The following SAE1 variants were observed in gnomAD, a reference collection of about 807,000 sequenced individuals.
SAE1 encodes SUMO1 activating enzyme subunit 1.
A neutral mutation model predicts 40.6 loss-of-function variants in SAE1; 11 were observed. The observed-to-expected ratio is 0.27, with a 90% CI of 0.17 to 0.45. SAE1 has a LOEUF of 0.45. SAE1 is among the 20% of genes least tolerant of loss of function. The pLI, the probability that SAE1 is intolerant of heterozygous loss-of-function variation, is 1.00. For synonymous variants in SAE1, 155 were observed against 154.3 expected (o/e 1.00, Z -0.03); for missense variants, 373 against 427.3 (o/e 0.87, Z 1.12).
intron 6 of SAE1, among the ~76,000 whole-genome samples, chr19:47,188,978 T>C (rs956648610): frequency 1.3e-5 from 2 of 152,198 alleles, no homozygotes; most frequent in Non-Finnish European, 2.9e-5. Context: ...GACATTGTTA[T>C]CTCCTGTGTA....
At chr19:47,166,685 G>T (rs1423875294) in intron 5 of SAE1, among the ~76,000 whole-genome samples, 1 of 152,154 alleles carries the variant, frequency 6.6e-6, no homozygotes, top group Non-Finnish European at 1.5e-5. Context: ...TGGTAATACT[G>T]TGTTTCCTCA....
intron 6 of SAE1, among the ~76,000 whole-genome samples, chr19:47,171,943 G>A (rs1043250291): frequency 2.6e-5 from 4 of 151,546 alleles, no homozygotes; most frequent in Admixed American, 2.6e-4. Context: ...TTTTTGAGAC[G>A]GAGTCTCACT....
intron 1 of SAE1, among the ~76,000 whole-genome samples, chr19:47,140,613 C>T (rs1376525029): frequency 7.2e-6 from 1 of 138,212 alleles, no homozygotes; most frequent in East Asian, 2.0e-4. Context: ...ATAGTGAGAC[C>T]CTGTGTCTAC....
chr19:47,186,421 T>C (rs950152318), intron 6 of SAE1, among the ~76,000 whole-genome samples: 3 of 152,088 alleles, frequency 2.0e-5, no homozygotes, highest in African/African-American at 7.2e-5. Context: ...TGAACATTTA[T>C]AGGTAATTCA....
chr19:47,161,363 A>T (rs1049255065), intron 5 of SAE1, among the ~76,000 whole-genome samples: 1 of 152,130 alleles, frequency 6.6e-6, no homozygotes, highest in Non-Finnish European at 1.5e-5. Flanking sequence ...TGCAGCATCA[A>T]TGCAGATAAT....
chr19:47,209,672 T>C lies in SAE1; in HGVS notation c.*421T>C, dbSNP rs1568614363. ...CTTCTTGGACTTATTCCCCACCTGA[T>C]ACCTTATAGAGAAAAGTGTGAATTC... On this transcript the variant is annotated 3_prime_UTR_variant, in exon 9 of 9. Coordinates refer to ENST00000270225, the MANE Select transcript of SAE1 (RefSeq NM_005500.3). 5.2e-6 allele frequency: 1 copy of C among 191,122 alleles called. No homozygotes were observed. The highest frequency in any genetic ancestry group is 1.1e-5 in the Non-Finnish European group (1 of 93,418). 11.8% of individuals were successfully genotyped at this position (191,122 alleles called of 1,614,324 possible).
At chr19:47,189,446 A>G (rs2123293969) in intron 6 of SAE1, among the ~76,000 whole-genome samples, 2 of 152,280 alleles carry the variant, frequency 1.3e-5, no homozygotes, top group South Asian at 4.1e-4. Context: ...CTGTAATCCC[A>G]GCTACTCAGG....
chr19:47,137,123 C>T (rs2058185283), intron 1 of SAE1, among the ~76,000 whole-genome samples: 1 of 152,112 alleles, frequency 6.6e-6, no homozygotes, highest in South Asian at 2.1e-4. Context: ...GTCACAGTGA[C>T]TCAGCCTGTA....
At chr19:47,142,579 C>A (rs907583923) in intron 1 of SAE1, 1 of 152,150 alleles carries the variant, frequency 6.6e-6, no homozygotes, top group Admixed American at 6.6e-5. Flanking sequence ...TTCCATCATG[C>A]CTCGAAGAAA....
chr19:47,163,911 AGGCTT>A (rs2058373857), intron 5 of SAE1, among the ~76,000 whole-genome samples: 1 of 151,720 alleles, frequency 6.6e-6, no homozygotes, highest in Non-Finnish European at 1.5e-5. Context: ...CTGGGATTAC[AGGCTT>A]GTGCTACCAC....
intron 1 of SAE1, among the ~76,000 whole-genome samples, chr19:47,137,616 G>A (rs536418520): frequency 6.6e-6 from 1 of 152,014 alleles, no homozygotes; most frequent in African/African-American, 2.4e-5. Context: ...TCCCGCCTCA[G>A]CCCCCAAGTA....
intron 5 of SAE1, among the ~76,000 whole-genome samples, chr19:47,161,752 G>C (rs1021838024): frequency 6.6e-6 from 1 of 152,192 alleles, no homozygotes; most frequent in Non-Finnish European, 1.5e-5. Context: ...ACCCTCCTCA[G>C]TTGGGTTTCT....
rs2058702493 is a variant in SAE1 at position 47,209,439 on chromosome 19, G to C, written c.*188G>C. The C allele has an allele frequency of 5.0e-6, 5 of 1,002,438 alleles. No individual in the cohort carries two copies. Among genetic ancestry groups the C allele is most frequent in the Non-Finnish European group, 7.3e-6 (5 of 681,512 alleles). The allele number at this position is 1,002,438 out of a possible 1,614,324, so 62.1% of individuals were successfully genotyped here. A position where few individuals can be genotyped will look rare whatever the true frequency, so the allele number is the denominator to read the frequency against. On this transcript the variant is annotated 3_prime_UTR_variant, in exon 9 of 9. Transcript: ENST00000270225. Reference sequence around the variant, plus strand: ...CCATCACCAGCAGCTGCTCGACAAGGGGCGCAGGGTGGCTGTCTTTGTTCC... The same window carrying C: ...CCATCACCAGCAGCTGCTCGACAAGCGGCGCAGGGTGGCTGTCTTTGTTCC...
chr19:47,153,358 C>T (rs955218433), intron 4 of SAE1, among the ~76,000 whole-genome samples: 3 of 152,172 alleles, frequency 2.0e-5, no homozygotes, highest in African/African-American at 7.2e-5. Context: ...TCCAGAGAGA[C>T]TCCTCTGGTA....
chr19:47,193,560 G>A (rs1403576179), intron 6 of SAE1, among the ~76,000 whole-genome samples: 9 of 150,254 alleles, frequency 6.0e-5, no homozygotes, highest in Admixed American at 6.6e-5. Flanking sequence ...TGTGGCTCAC[G>A]CCTGTAATTC....
At chr19:47,177,210 C>A (rs1401606486) in intron 6 of SAE1, among the ~76,000 whole-genome samples, 1 of 152,158 alleles carries the variant, frequency 6.6e-6, no homozygotes, top group East Asian at 1.9e-4. Context: ...CTGCTATGTA[C>A]CAGATCTCAT....
At chr19:47,157,198 G>A (rs4802335) in intron 5 of SAE1, among the ~76,000 whole-genome samples, 8 of 152,138 alleles carry the variant, frequency 5.3e-5, no homozygotes, top group African/African-American at 1.9e-4. Flanking sequence ...GTGATACAGA[G>A]GAATTAAGCC....
In SAE1 at chr19:47,153,280, T is replaced by G. The variant is rs74993468; in HGVS notation, c.527+240T>G. Among the ~76,000 whole-genome samples the G allele has an allele frequency of 4.2e-3, 646 of 152,096 alleles. 6 individuals carry two copies. The highest frequency in any genetic ancestry group is 0.015 in the African/African-American group (612 of 41,508). On this transcript the variant is annotated intron_variant, in intron 4 of 8. Coordinates refer to ENST00000270225, the MANE Select transcript of SAE1 (RefSeq NM_005500.3). ...TTCAAGTTGAGAGATAGTAAAATGA[T>G]TACAAAATAGTTGGGCGATTCTGGA...
At chr19:47,153,184 C>A in intron 4 of SAE1, 144 bp downstream of exon 4, 1 of 676,140 alleles carries the variant, frequency 1.5e-6, no homozygotes, top group Non-Finnish European at 2.2e-6. Flanking sequence ...CTCAAGTGAT[C>A]CTCCCACCTT....
Sources: allele counts gnomAD v4.1 joint callset (sites outside exome capture counted in the v4.1 genomes callset), GRCh38; gene constraint gnomAD v4.1.1; transcripts MANE v1.5; gene names NCBI Gene and HGNC (gene_info 2026-07-23, HGNC 2026-07-21).